Variants in CEP350 observed in about 807,000 individuals in gnomAD.
CEP350 encodes the protein centrosomal protein 350.
In CEP350, 126 loss-of-function variants were observed where a neutral mutation model predicts 331.8. That is an observed-to-expected ratio of 0.38 (90% CI 0.33 to 0.44). CEP350 has a LOEUF of 0.44. Ranked by LOEUF, CEP350 falls within the 20% of genes least tolerant of loss-of-function variation. The pLI, the probability that CEP350 is intolerant of heterozygous loss-of-function variation, is 1.00. For synonymous variants in CEP350, 1,200 were observed against 1,259.5 expected (o/e 0.95, Z 1.00); for missense variants, 3,406 against 3,634.6 (o/e 0.94, Z 1.62).
At chr1:180,019,731 G>A (rs942365677) in intron 11 of CEP350, among the ~76,000 whole-genome samples, 1 of 151,956 alleles carries the variant, frequency 6.6e-6, no homozygotes, top group Non-Finnish European at 1.5e-5. Context: ...AAAACATAAT[G>A]TACAAATAGA....
At chr1:180,058,729 A>G (rs1290787625) in intron 25 of CEP350, among the ~76,000 whole-genome samples, 2 of 152,234 alleles carry the variant, frequency 1.3e-5, no homozygotes, top group Non-Finnish European at 2.9e-5. Flanking sequence ...TTTTTTAAGT[A>G]AATATGCAAA....
rs776468047 is a variant in CEP350 at position 180,014,225 on chromosome 1, A to G, written c.1772A>G (p.Tyr591Cys). The G allele has an allele frequency of 4.3e-6, 7 of 1,610,756 alleles. 1 individual carries two copies. The South Asian group carries it at 5.5e-5, about 13-fold the overall frequency. ...CCTGTTATTTCCAAAAGGCGCCACT[A>G]TGACACAGATGAGGTACGACAGTAC... is the stretch of plus-strand genomic sequence containing the variant. ...DPPVISKRRH[Y>C]DTDEVRQYIV... The change falls in exon 10 of 38, where the codon TAT (tyrosine) becomes TGT (cysteine). Residue 591 changes from tyrosine (Y) to cysteine (C), a missense_variant. Tyr to Cys is a radical substitution (Grantham distance 194). Around this residue, in one of 5 missense-constraint regions of CEP350, gnomAD observed 1,857 missense variants for 1,909.2 expected, o/e 0.97. Coordinates refer to ENST00000367607, the MANE Select transcript of CEP350 (RefSeq NM_014810.5).
At chr1:180,108,021 G>T (rs1304523444) in intron 37 of CEP350, among the ~76,000 whole-genome samples, 1 of 152,058 alleles carries the variant, frequency 6.6e-6, no homozygotes, top group African/African-American at 2.4e-5. Flanking sequence ...AGGCAAATTT[G>T]CAGGCTATGA....
intron 29 of CEP350, 46 bp downstream of exon 29, chr1:180,078,720 A>C (rs768699985): frequency 2.0e-6 from 3 of 1,489,260 alleles, no homozygotes; most frequent in Non-Finnish European, 2.7e-6. Context: ...TAGAAAAAAA[A>C]CTGAAAGGTA....
intron 25 of CEP350, among the ~76,000 whole-genome samples, chr1:180,060,891 T>TA (rs1658189937): frequency 2.0e-5 from 3 of 152,124 alleles, no homozygotes; most frequent in Non-Finnish European, 4.4e-5. Context: ...TAGAATAATT[T>TA]AAAAAGAATG....
At chr1:179,960,532 A>G (rs1379557078) in intron 1 of CEP350, among the ~76,000 whole-genome samples, 1 of 152,192 alleles carries the variant, frequency 6.6e-6, no homozygotes, top group East Asian at 1.9e-4. Flanking sequence ...TGACATCTAT[A>G]GGACACTACT....
intron 1 of CEP350, among the ~76,000 whole-genome samples, chr1:179,982,230 G>A (rs1383269868): frequency 1.3e-5 from 2 of 152,262 alleles, no homozygotes; most frequent in African/African-American, 4.8e-5. Flanking sequence ...GCCACTTCAA[G>A]GGTGATGACT....
chr1:180,060,543 T>G (rs1057071349), intron 25 of CEP350, among the ~76,000 whole-genome samples: 1 of 152,144 alleles, frequency 6.6e-6, no homozygotes, highest in African/African-American at 2.4e-5. Context: ...TAGTCCTAGC[T>G]ACTTGGGAGG....
At position 180,043,174 on chromosome 1, in the gene CEP350, C is replaced by T. The variant is rs1298549903; in HGVS notation, c.4481C>T (p.Thr1494Ile). ...HLPDFVKQLR[T>I]RTETDRKSPS... ...CCAGACTTTGTGAAACAGCTGAGGACCAGAACTGAAACAGATAGGTTAATA... is the reference window on the plus strand; with the variant it reads ...CCAGACTTTGTGAAACAGCTGAGGATCAGAACTGAAACAGATAGGTTAATA... The change falls in exon 20 of 38, where the codon ACC (threonine) becomes ATC (isoleucine). Residue 1494 changes from threonine to isoleucine, a missense_variant. Physicochemically the swap from Thr to Ile is moderately conservative, Grantham distance 89. Coordinates refer to ENST00000367607, the MANE Select transcript of CEP350 (RefSeq NM_014810.5). The T allele has an allele frequency of 6.2e-7, 1 of 1,612,826 alleles. No homozygotes were observed. The highest frequency in any genetic ancestry group is 1.3e-5 in the African/African-American group (1 of 74,810).
At chr1:179,990,227 A>G (rs926727796) in intron 3 of CEP350, among the ~76,000 whole-genome samples, 3 of 152,162 alleles carry the variant, frequency 2.0e-5, no homozygotes, top group Non-Finnish European at 2.9e-5. Context: ...AAAATACTCA[A>G]CAATTTAAAA....
chr1:180,063,138 G>A lies in CEP350; in HGVS notation c.5409+772G>A, dbSNP rs115245484. On this transcript the variant is annotated intron_variant, in intron 26 of 37. Transcript: ENST00000367607. ...CATTTTAGCTATCCAACTTTAATAT[G>A]ATGATACATGATTCAAAGGAGATAT... is the stretch of plus-strand genomic sequence containing the variant. Among the ~76,000 whole-genome samples the A allele has an allele frequency of 6.0e-3, 892 of 148,990 alleles. 11 individuals carry two copies. Among genetic ancestry groups the A allele is most frequent in the African/African-American group, 0.021 (851 of 40,620 alleles).
chr1:180,030,464 C>G (rs1293219991), intron 14 of CEP350, among the ~76,000 whole-genome samples: 1 of 151,072 alleles, frequency 6.6e-6, no homozygotes, highest in African/African-American at 2.4e-5. Flanking sequence ...AATATTTTCC[C>G]ATGCTGCTGT....
chr1:180,001,548 C>T (rs541519308), intron 6 of CEP350, among the ~76,000 whole-genome samples: 40 of 152,170 alleles, frequency 2.6e-4, no homozygotes, highest in Non-Finnish European at 1.0e-4. Context: ...TATAAGCCAC[C>T]GTGCCCGGCC....
At chr1:180,034,631 G>A (rs186426081) in intron 16 of CEP350, among the ~76,000 whole-genome samples, 5 of 151,792 alleles carry the variant, frequency 3.3e-5, no homozygotes, top group South Asian at 2.1e-4. Context: ...TATCTGTTAC[G>A]GTGATCTGTG....
rs1655289941 is a variant in CEP350 at position 180,021,026 on chromosome 1, T to C, written c.3235+17T>C. On this transcript the variant is annotated intron_variant, in intron 12 of 37. Coordinates refer to ENST00000367607, the MANE Select transcript of CEP350 (RefSeq NM_014810.5). Reference sequence around the variant, plus strand: ...ATGGAAAAGGTGAGAAAAATAAATATAGCTTGTACTGTTTGTATATTAAGA... The same window carrying C: ...ATGGAAAAGGTGAGAAAAATAAATACAGCTTGTACTGTTTGTATATTAAGA... 6.8e-7 allele frequency: 1 copy of C among 1,462,694 alleles called. No individual in the cohort carries two copies. Among genetic ancestry groups the C allele is most frequent in the Non-Finnish European group, 9.0e-7 (1 of 1,105,716 alleles). 90.6% of individuals were successfully genotyped at this position (1,462,694 alleles called of 1,614,324 possible).
rs746960146 is a variant in CEP350 at position 180,098,633 on chromosome 1, C to T, written c.9067-230C>T. 3.3e-5 allele frequency among the ~76,000 whole-genome samples: 5 copies of T among 152,288 alleles called. No individual in the cohort carries two copies. The East Asian group carries it at 7.7e-4, about 23-fold the overall frequency. ...TGCTGGGATTACAGACGTGAGTCACCGTGCCCAGCTAGGTTTTACTTTTAT... is the reference window on the plus strand; with the variant it reads ...TGCTGGGATTACAGACGTGAGTCACTGTGCCCAGCTAGGTTTTACTTTTAT... On this transcript the variant is annotated intron_variant, in intron 36 of 37. Coordinates refer to ENST00000367607, the MANE Select transcript of CEP350 (RefSeq NM_014810.5).
chr1:180,089,266 C>A (rs1660032255), intron 32 of CEP350, among the ~76,000 whole-genome samples: 1 of 152,080 alleles, frequency 6.6e-6, no homozygotes, highest in Non-Finnish European at 1.5e-5. Flanking sequence ...AAACAGGAGA[C>A]ATATTTTAGG....
chr1:180,061,012 G>A lies in CEP350; in HGVS notation c.5263-1208G>A, dbSNP rs1031108450. On this transcript the variant is annotated intron_variant, in intron 25 of 37. Transcript: ENST00000367607. Reference sequence around the variant, plus strand: ...TGTTTTATTTCTTTACAGGATTAAAGACTAGGAGAAAATATAACTGAATAT... The same window carrying A: ...TGTTTTATTTCTTTACAGGATTAAAAACTAGGAGAAAATATAACTGAATAT... Among the ~76,000 whole-genome samples the A allele has an allele frequency of 4.6e-5, 7 of 152,220 alleles. No homozygotes were observed. In the South Asian group the frequency reaches 1.5e-3, roughly 32 times the overall value.
In CEP350 at chr1:180,006,477, C is replaced by T. The variant is rs145130697; in HGVS notation, c.1156C>T (p.Pro386Ser). 3.3e-6 allele frequency: 5 copies of T among 1,531,584 alleles called. No homozygotes were observed. In the East Asian group the frequency reaches 1.2e-4, roughly 37 times the overall value. The allele number at this position is 1,531,584 out of a possible 1,614,324, so 94.9% of individuals were successfully genotyped here. ...FADDISIKEK[P>S]AEKSKEKKVV... ...AGATGATATTTCTATAAAGGAGAAA[C>T]CTGCTGAAAAAAGTAAAGAGAAGAA... is the stretch of plus-strand genomic sequence containing the variant. Residue 386 changes from proline to serine, a missense_variant, in exon 8 of 38, where the codon CCT (proline) becomes TCT (serine). Physicochemically the swap from Pro to Ser is moderately conservative, Grantham distance 74. Around this residue, in one of 5 missense-constraint regions of CEP350, gnomAD observed 1,857 missense variants for 1,909.2 expected, o/e 0.97. Coordinates refer to ENST00000367607, the MANE Select transcript of CEP350 (RefSeq NM_014810.5).
Sources: allele counts gnomAD v4.1 joint callset (sites outside exome capture counted in the v4.1 genomes callset), GRCh38; gene constraint gnomAD v4.1.1; regional missense constraint gnomAD v4.1.1; transcripts MANE v1.5; gene names NCBI Gene and HGNC (gene_info 2026-07-23, HGNC 2026-07-21).